The following CLEC16A variants were observed in gnomAD, a reference collection of about 807,000 sequenced individuals.
CLEC16A encodes protein CLEC16A.
CLEC16A carries 51 observed loss-of-function variants against 109.5 expected under a neutral mutation model. The observed-to-expected ratio is 0.47, with a 90% CI of 0.37 to 0.59. The LOEUF (loss-of-function observed/expected upper bound fraction) is 0.59, where lower values mean the gene tolerates loss of function less well. Ranked by LOEUF, CLEC16A falls within the 20% of genes least tolerant of loss-of-function variation. CLEC16A has a pLI of 0.00. For missense variants in CLEC16A, 1,339 were observed against 1,394.0 expected (o/e 0.96, Z 0.63); for synonymous variants, 673 against 564.2 (o/e 1.19, Z -2.73).
In CLEC16A at chr16:10,954,707, G is replaced by T. The variant is rs2041905311; in HGVS notation, c.81-3075G>T. On this transcript the variant is annotated intron_variant, in intron 1 of 23. Coordinates refer to ENST00000409790, the MANE Select transcript of CLEC16A (RefSeq NM_015226.3). The surrounding 1 kb of genome is among the most constrained non-coding windows in gnomAD (Gnocchi z 4.2). ...AACCCTATGTTCTAATTATACCAGTGTTTGTAATTAACCATATACTCTAGT... is the reference window on the plus strand; with the variant it reads ...AACCCTATGTTCTAATTATACCAGTTTTTGTAATTAACCATATACTCTAGT... 1.3e-5 allele frequency among the ~76,000 whole-genome samples: 2 copies of T among 152,128 alleles called. No individual in the cohort carries two copies. Among genetic ancestry groups the T allele is most frequent in the Non-Finnish European group, 2.9e-5 (2 of 68,036 alleles).
rs779266510 is a variant in CLEC16A at position 11,125,987 on chromosome 16, G to A, written c.2482G>A (p.Asp828Asn). Residue 828 changes from aspartate (D) to asparagine (N), a missense_variant, in exon 22 of 24, where the codon GAC becomes AAC. Asp to Asn is a conservative substitution (Grantham distance 23, BLOSUM62 1). Transcript: ENST00000409790. ...CTATTGTTTGACCGTAGCCCTCCTG[G>A]ACCTCCCAATCCAGCCCACCACTGA... The part of the protein sequence containing the change: ...MKMQRIAALL[D>N]LPIQPTTEVL... The A allele has an allele frequency of 6.2e-7, 1 of 1,603,992 alleles. No individual in the cohort carries two copies. Among genetic ancestry groups the A allele is most frequent in the Non-Finnish European group, 8.5e-7 (1 of 1,178,452 alleles).
intron 19 of CLEC16A, among the ~76,000 whole-genome samples, chr16:11,065,839 C>T (rs751777762): frequency 6.6e-6 from 1 of 152,192 alleles, no homozygotes; most frequent in Admixed American, 6.5e-5. Context: ...CCAGGGTCCT[C>T]ACAGAAACTT....
intron 1 of CLEC16A, among the ~76,000 whole-genome samples, chr16:10,949,200 C>T (rs1198686727): frequency 1.3e-5 from 2 of 152,176 alleles, no homozygotes; most frequent in African/African-American, 4.8e-5. Context: ...CAAGTTTTGG[C>T]TAAGGTGGCA....
intron 22 of CLEC16A, among the ~76,000 whole-genome samples, chr16:11,130,219 C>G (rs1425753267): frequency 6.6e-6 from 1 of 152,224 alleles, no homozygotes; most frequent in Non-Finnish European, 1.5e-5. Context: ...TGTGCCCCCA[C>G]TTAGTATCGT....
intron 23 of CLEC16A, among the ~76,000 whole-genome samples, chr16:11,176,267 C>T (rs1412051301): frequency 6.6e-6 from 1 of 152,256 alleles, no homozygotes; most frequent in African/African-American, 2.4e-5. Flanking sequence ...AACCAGAATT[C>T]GCATGTAGTG....
chr16:11,123,565 G>T (rs535702684), intron 20 of CLEC16A, among the ~76,000 whole-genome samples, 177 bp from the exon 21 acceptor site: 2 of 152,184 alleles, frequency 1.3e-5, no homozygotes, highest in African/African-American at 2.4e-5. Flanking sequence ...CTCCCACTGG[G>T]CCTGGTCTGC....
intron 19 of CLEC16A, among the ~76,000 whole-genome samples, chr16:11,076,193 G>A (rs1369039228): frequency 2.0e-5 from 3 of 152,126 alleles, no homozygotes; most frequent in Non-Finnish European, 4.4e-5. Context: ...GCTTCCCATT[G>A]TGGTGTCAGC....
At chr16:10,978,430 A>G (rs960762419) in intron 8 of CLEC16A, among the ~76,000 whole-genome samples, 2 of 152,190 alleles carry the variant, frequency 1.3e-5, no homozygotes, top group Non-Finnish European at 2.9e-5. Context: ...ACAGATGAGT[A>G]AATAAAAGAA....
rs568043660 is a variant in CLEC16A at position 11,098,203 on chromosome 16, A to G, written c.2117-22412A>G. Reference sequence around the variant, plus strand: ...GCACGCACTAGCATGGTGGCAAACAATGAGTTCTCAGTGCCCACCCCTCAA... The same window carrying G: ...GCACGCACTAGCATGGTGGCAAACAGTGAGTTCTCAGTGCCCACCCCTCAA... On this transcript the variant is annotated intron_variant, in intron 19 of 23. Coordinates refer to ENST00000409790, the MANE Select transcript of CLEC16A (RefSeq NM_015226.3). Among the ~76,000 whole-genome samples the G allele has an allele frequency of 4.6e-5, 7 of 152,340 alleles. No homozygotes were observed. The South Asian group carries it at 6.2e-4, about 14-fold the overall frequency.
chr16:11,003,901 A>G (rs911336367), intron 11 of CLEC16A, among the ~76,000 whole-genome samples: 3 of 150,492 alleles, frequency 2.0e-5, no homozygotes, highest in African/African-American at 4.9e-5. Flanking sequence ...TGGGAAGCCA[A>G]GGTGGGAGGA....
intron 20 of CLEC16A, among the ~76,000 whole-genome samples, chr16:11,122,764 G>A (rs1431283426): frequency 6.6e-6 from 1 of 152,052 alleles, no homozygotes; most frequent in Non-Finnish European, 1.5e-5. Context: ...GGAGTAGATT[G>A]TCTATGCAGA....
chr16:11,176,983 T>G (rs2068773678), intron 23 of CLEC16A, among the ~76,000 whole-genome samples: 1 of 152,186 alleles, frequency 6.6e-6, no homozygotes, highest in Admixed American at 6.5e-5. Flanking sequence ...TGGCCTGACT[T>G]AAAAGAGAAA....
intron 13 of CLEC16A, among the ~76,000 whole-genome samples, chr16:11,034,941 T>G (rs1031702933): frequency 7.2e-5 from 11 of 151,944 alleles, no homozygotes; most frequent in African/African-American, 2.2e-4. Flanking sequence ...GTGTGTGTGT[T>G]TGTGTGTATG....
chr16:11,086,304 C>T (rs977622244), intron 19 of CLEC16A, among the ~76,000 whole-genome samples: 3 of 152,172 alleles, frequency 2.0e-5, no homozygotes, highest in Admixed American at 6.5e-5. Flanking sequence ...GATCCCCACT[C>T]GCTACCTCTG....
At chr16:11,115,064 T>A (rs1050988264) in intron 19 of CLEC16A, among the ~76,000 whole-genome samples, 1 of 152,230 alleles carries the variant, frequency 6.6e-6, no homozygotes, top group East Asian at 1.9e-4. Flanking sequence ...AGGTGGCAGG[T>A]CTTTCTTCCG....
At chr16:11,159,322 A>G (rs934635079) in intron 22 of CLEC16A, among the ~76,000 whole-genome samples, 1 of 152,212 alleles carries the variant, frequency 6.6e-6, no homozygotes, top group Non-Finnish European at 1.5e-5. Flanking sequence ...GCGTGTGTCT[A>G]TTAAATAAAG....
In CLEC16A at chr16:10,989,153, T is replaced by C. The variant is rs138749121; in HGVS notation, c.1071+6162T>C. Among the ~76,000 whole-genome samples, 64 of 152,346 alleles carry C rather than the reference T, an allele frequency of 4.2e-4. 2 individuals carry two copies. The East Asian group carries it at 0.011, about 27-fold the overall frequency. On this transcript the variant is annotated intron_variant, in intron 10 of 23. Transcript: ENST00000409790. ...CTCTGTGTGTATACTGTGTGTATAC[T>C]GTGCTCTCCATTCAGCCAGACCCAG...
At chr16:11,104,198 T>C (rs2051085974) in intron 19 of CLEC16A, among the ~76,000 whole-genome samples, 1 of 152,154 alleles carries the variant, frequency 6.6e-6, no homozygotes, top group Admixed American at 6.5e-5. Flanking sequence ...AACCTCTGCC[T>C]CCTGGGCTCA....
intron 18 of CLEC16A, among the ~76,000 whole-genome samples, chr16:11,058,356 G>T (rs140183999): frequency 6.6e-6 from 1 of 152,188 alleles, no homozygotes; most frequent in Non-Finnish European, 1.5e-5. Flanking sequence ...TATAAACGGC[G>T]TAGTGTTTGC....
Sources: gnomAD v4.1 joint callset for allele counts (sites outside exome capture counted in the v4.1 genomes callset) on GRCh38, gnomAD v4.1.1 for gene constraint, Gnocchi (gnomAD v3.1) non-coding constraint, MANE v1.5 for transcripts, NCBI Gene and HGNC (gene_info 2026-07-23, HGNC 2026-07-21) for gene names.